GPAT4: variants seen among roughly 807,000 people sequenced by gnomAD.
GPAT4 encodes glycerol-3-phosphate acyltransferase 4, also known as 1-AGP acyltransferase 6.
Under a neutral mutation model 58.0 loss-of-function variants are expected in GPAT4, and 17 were observed. The observed-to-expected ratio is 0.29, with a 90% confidence interval of 0.20 to 0.44. GPAT4 has a LOEUF of 0.44. Ranked by LOEUF, GPAT4 falls within the 20% of genes least tolerant of loss-of-function variation. GPAT4 has a pLI of 1.00. For missense variants in GPAT4, 377 were observed against 574.5 expected (o/e 0.66, Z 3.51); for synonymous variants, 204 against 210.1 (o/e 0.97, Z 0.25).
chr8:41,606,771 G>A (rs1462210403), intron 2 of GPAT4, among the ~76,000 whole-genome samples: 3 of 152,130 alleles, frequency 2.0e-5, no homozygotes, highest in African/African-American at 2.4e-5. Context: ...TGGCTAGCAC[G>A]GGTAGTCTTG....
chr8:41,617,280 C>T (rs938325329), intron 10 of GPAT4, among the ~76,000 whole-genome samples: 3 of 152,032 alleles, frequency 2.0e-5, no homozygotes, highest in Non-Finnish European at 2.9e-5. Flanking sequence ...AGGAGAATGG[C>T]GTGAACCTGG....
At chr8:41,609,270 T>C (rs12708212) in intron 2 of GPAT4, 146 bp from the exon 3 acceptor site, 364,886 of 822,312 alleles carry the variant, frequency 0.44, 82,740 homozygotes, top group African/African-American at 0.55. Context: ...GGAGAGGTGG[T>C]TTGAGTTTCC....
At chr8:41,582,178 A>G (rs1802533343) in intron 1 of GPAT4, among the ~76,000 whole-genome samples, 2 of 148,880 alleles carry the variant, frequency 1.3e-5, no homozygotes, top group Non-Finnish European at 3.0e-5. Context: ...TAATTTTTGT[A>G]TTTTTAGTAG....
In GPAT4 at chr8:41,599,319, T is replaced by TA. The variant is rs1803019069; in HGVS notation, c.165+16dup. ...AAATCTTTGCGGTAAGTTATGCTGTTACAAAAGGTTGCTTCACAGAGGAGG... is the reference window on the plus strand; with the variant it reads ...AAATCTTTGCGGTAAGTTATGCTGTTAACAAAAGGTTGCTTCACAGAGGAGG... On this transcript the variant is annotated intron_variant, in intron 2 of 12. Coordinates refer to ENST00000396987, the MANE Select transcript of GPAT4 (RefSeq NM_178819.4). The TA allele has an allele frequency of 1.9e-6, 3 of 1,613,236 alleles. No homozygotes were observed. The highest frequency in any genetic ancestry group is 1.3e-5 in the African/African-American group (1 of 74,964).
intron 7 of GPAT4, 135 bp from the exon 8 acceptor site, chr8:41,612,710 G>T (rs1455247709): frequency 8.5e-6 from 6 of 706,054 alleles, no homozygotes; most frequent in African/African-American, 1.8e-5. Flanking sequence ...TTTCTTGGCA[G>T]TGAGCAACCT....
intron 2 of GPAT4, among the ~76,000 whole-genome samples, chr8:41,601,230 G>A (rs547736073): frequency 6.6e-6 from 1 of 152,068 alleles, no homozygotes; most frequent in Non-Finnish European, 1.5e-5. Context: ...CAAGCAGCTG[G>A]TTAGAAATGA....
At position 41,618,948 on chromosome 8, in the gene GPAT4, C is replaced by T; in HGVS notation, c.1233C>T (p.Ala411=). 6.2e-7 allele frequency: 1 copy of T among 1,614,218 alleles called. No homozygotes were observed. The change falls in exon 12 of 13, where the codon GCC becomes GCT. Residue 411 remains alanine, a synonymous_variant. Coordinates refer to ENST00000396987, the MANE Select transcript of GPAT4 (RefSeq NM_178819.4). ...CGAATAGGGTGAAATCTGCCATTGC[C>T]AGGCAGGGAGGACTTGTGGACCTGC... ...QFANRVKSAI[A]RQGGLVDLLW...
chr8:41,603,368 A>G (rs1803156900), intron 2 of GPAT4, among the ~76,000 whole-genome samples: 1 of 151,936 alleles, frequency 6.6e-6, no homozygotes, highest in Admixed American at 6.6e-5. Flanking sequence ...CTCTACTAAA[A>G]ATACAAAATT....
At chr8:41,606,283 T>C (rs777491079) in intron 2 of GPAT4, among the ~76,000 whole-genome samples, 5 of 152,172 alleles carry the variant, frequency 3.3e-5, no homozygotes, top group African/African-American at 1.2e-4. Flanking sequence ...GACTCTTAAC[T>C]TGTGGGATCT....
chr8:41,598,849 A>G lies in GPAT4; in HGVS notation c.-291A>G, dbSNP rs1410419887. On this transcript the variant is annotated 5_prime_UTR_variant, in exon 2 of 13. Coordinates refer to ENST00000396987, the MANE Select transcript of GPAT4 (RefSeq NM_178819.4). Reference sequence around the variant, plus strand: ...CACTGCTCACTTGCACAGAAACTCCATCTGGACTCGGATGCTTTTACTGAA... The same window carrying G: ...CACTGCTCACTTGCACAGAAACTCCGTCTGGACTCGGATGCTTTTACTGAA... The G allele has an allele frequency of 2.7e-5, 10 of 364,370 alleles. No individual in the cohort carries two copies. Among genetic ancestry groups the G allele is most frequent in the Non-Finnish European group, 4.9e-5 (10 of 205,210 alleles). The allele number at this position is 364,370 out of a possible 1,614,324, so 22.6% of individuals were successfully genotyped here. A position where few individuals can be genotyped will look rare whatever the true frequency, so the allele number is the denominator to read the frequency against.
chr8:41,614,698 T>A lies in GPAT4; in HGVS notation c.967+257T>A, dbSNP rs150043549. 2.0e-5 allele frequency among the ~76,000 whole-genome samples: 3 copies of A among 152,200 alleles called. No homozygotes were observed. In the East Asian group the frequency reaches 5.8e-4, roughly 29 times the overall value. ...TTTCAGCTCCTCACAGAGCTCATGGTGTCCTCCTAAGGCCACTGCGCGTCT... is the reference window on the plus strand; with the variant it reads ...TTTCAGCTCCTCACAGAGCTCATGGAGTCCTCCTAAGGCCACTGCGCGTCT... On this transcript the variant is annotated intron_variant, in intron 9 of 12. Transcript: ENST00000396987.
chr8:41,605,655 A>G (rs978949138), intron 2 of GPAT4, among the ~76,000 whole-genome samples: 1 of 152,078 alleles, frequency 6.6e-6, no homozygotes. Flanking sequence ...GCTCACTGCA[A>G]CCTTCGCCTC....
chr8:41,600,948 G>C (rs1803070300), intron 2 of GPAT4, among the ~76,000 whole-genome samples: 1 of 152,000 alleles, frequency 6.6e-6, no homozygotes. Flanking sequence ...CTGCTTGTTT[G>C]TGGGTGAGGG....
intron 2 of GPAT4, among the ~76,000 whole-genome samples, chr8:41,599,935 TTAG>T (rs1803035867): frequency 6.6e-6 from 1 of 152,202 alleles, no homozygotes; most frequent in African/African-American, 2.4e-5. Flanking sequence ...ATGTCTGTTT[TTAG>T]TAGTCACCAA....
At chr8:41,599,799 C>T (rs574670610) in intron 2 of GPAT4, among the ~76,000 whole-genome samples, 2 of 152,148 alleles carry the variant, frequency 1.3e-5, no homozygotes, top group South Asian at 4.1e-4. Flanking sequence ...TCAGAACTTA[C>T]CTGACTGTTG....
rs779096054 is a variant in GPAT4, at chr8:41,611,948, G to A, written c.657G>A (p.Arg219=). The A allele has an allele frequency of 1.9e-6, 3 of 1,614,164 alleles. No individual in the cohort carries two copies. The highest frequency in any genetic ancestry group is 2.5e-6 in the Non-Finnish European group (3 of 1,180,034). ...AACATGTTCACTTAATGTGTTACCGGATCTGCGTGCGAGCGCTGACAGCCA... is the reference window on the plus strand; with the variant it reads ...AACATGTTCACTTAATGTGTTACCGAATCTGCGTGCGAGCGCTGACAGCCA... ...MSKHVHLMCY[R]ICVRALTAII... is the part of the protein sequence containing the mutation. The change falls in exon 6 of 13, where the codon CGG becomes CGA. Residue 219 remains arginine (R), a synonymous_variant. Transcript: ENST00000396987.
At chr8:41,618,661 C>T in intron 10 of GPAT4, 23 bp from the exon 11 acceptor site, 5 of 1,613,276 alleles carry the variant, frequency 3.1e-6, no homozygotes, top group South Asian at 1.1e-5. Flanking sequence ...CATGTCTTAC[C>T]TCCAGCTTTC....
rs1245943149 is a variant in GPAT4, at chr8:41,623,432, G to C, written c.*2431G>C. On this transcript the variant is annotated 3_prime_UTR_variant, in exon 13 of 13. Transcript: ENST00000396987. ...GGGGCTGAGCTGGGAATGACACCCA[G>C]TGGTGTAATGAGTGGAAAGTGCTGG... 6.6e-6 allele frequency: 1 copy of C among 152,250 alleles called. No homozygotes were observed. The highest frequency in any genetic ancestry group is 1.5e-5 in the Non-Finnish European group (1 of 68,064). The allele number at this position is 152,250 out of a possible 1,614,324, so 9.4% of individuals were successfully genotyped here. A position where few individuals can be genotyped will look rare whatever the true frequency, so the allele number is the denominator to read the frequency against.
chr8:41,618,515 A>T, intron 10 of GPAT4, 169 bp from the exon 11 acceptor site: 1 of 820,568 alleles, frequency 1.2e-6, no homozygotes. Context: ...TGTTGCTCAC[A>T]GTCAGAACCG....
Sources: allele counts gnomAD v4.1 joint callset (sites outside exome capture counted in the v4.1 genomes callset), GRCh38; gene constraint gnomAD v4.1.1; transcripts MANE v1.5; gene names NCBI Gene and HGNC (gene_info 2026-07-23, HGNC 2026-07-21).